Variants in EVI5 observed in about 807,000 individuals in gnomAD.
EVI5 encodes the protein ecotropic viral integration site 5.
In EVI5, 73 loss-of-function variants were observed where a neutral mutation model predicts 112.0. The observed-to-expected ratio is 0.65, with a 90% CI of 0.54 to 0.79. EVI5 has a LOEUF of 0.79. Ranked by LOEUF, EVI5 falls within the 30% of genes least tolerant of loss-of-function variation. EVI5 has a pLI of 0.00. For missense variants in EVI5, 900 were observed against 968.8 expected, an observed-to-expected ratio of 0.93 and a Z score of 0.94; for synonymous variants, 305 against 319.9, an observed-to-expected ratio of 0.95 and a Z score of 0.50.
At chr1:92,544,785 TC>T (rs1469846285) in intron 19 of EVI5, among the ~76,000 whole-genome samples, 1 of 152,208 alleles carries the variant, frequency 6.6e-6, no homozygotes, top group Non-Finnish European at 1.5e-5. Context: ...AAAGTTAGTA[TC>T]CCTCTCTTCC....
intron 1 of EVI5, chr1:92,773,918 C>T (rs1447783585): frequency 2.6e-5 from 4 of 151,854 alleles, no homozygotes; most frequent in African/African-American, 9.7e-5. Context: ...GTAATCCCAG[C>T]TACTCAGGAG....
intron 18 of EVI5, among the ~76,000 whole-genome samples, chr1:92,592,004 G>C (rs1422788320): frequency 1.3e-5 from 2 of 152,224 alleles, no homozygotes; most frequent in African/African-American, 4.8e-5. Flanking sequence ...AGCACTTTGG[G>C]AGGCCAAGGC....
At chr1:92,623,217 T>A (rs1340312239) in intron 16 of EVI5, among the ~76,000 whole-genome samples, 1 of 152,144 alleles carries the variant, frequency 6.6e-6, no homozygotes, top group Non-Finnish European at 1.5e-5. Context: ...TAAAATAACG[T>A]GTGGAAAGTA....
intron 19 of EVI5, among the ~76,000 whole-genome samples, chr1:92,514,216 C>T (rs1361320255): frequency 1.3e-4 from 20 of 152,142 alleles, no homozygotes; most frequent in African/African-American, 4.3e-4. Context: ...TGCAGTGGTG[C>T]GATCTCGGCT....
intron 18 of EVI5, among the ~76,000 whole-genome samples, chr1:92,582,480 G>A (rs1304818745): frequency 1.3e-5 from 2 of 152,126 alleles, no homozygotes; most frequent in East Asian, 3.8e-4. Context: ...ATCAGTCATG[G>A]GAAGATTAGG....
chr1:92,555,872 T>C (rs1224563458), intron 19 of EVI5, among the ~76,000 whole-genome samples: 3 of 138,028 alleles, frequency 2.2e-5, no homozygotes, highest in African/African-American at 8.1e-5. Context: ...AAAAAAGGAA[T>C]AAGCATGAAG....
At chr1:92,632,413 G>A (rs1459692213) in intron 14 of EVI5, among the ~76,000 whole-genome samples, 4 of 152,130 alleles carry the variant, frequency 2.6e-5, no homozygotes, top group South Asian at 4.1e-4. Flanking sequence ...GTCTTGGGAA[G>A]GTGTATGTGT....
intron 18 of EVI5, among the ~76,000 whole-genome samples, chr1:92,598,437 T>C (rs1571807085): frequency 6.6e-6 from 1 of 152,122 alleles, no homozygotes; most frequent in East Asian, 1.9e-4. Context: ...GTAATTGTTA[T>C]GAAGAAAAAA....
intron 19 of EVI5, among the ~76,000 whole-genome samples, chr1:92,517,880 A>G (rs894646128): frequency 3.7e-5 from 5 of 134,076 alleles, no homozygotes; most frequent in Non-Finnish European, 7.9e-5. Flanking sequence ...ATACAATATT[A>G]TATGCTTTTT....
intron 1 of EVI5, among the ~76,000 whole-genome samples, chr1:92,745,265 T>C (rs1022536172): frequency 5.3e-5 from 8 of 152,058 alleles, no homozygotes; most frequent in African/African-American, 7.2e-5. Flanking sequence ...GCAAAACAAA[T>C]TCTGAGAAAT....
At chr1:92,555,799 G>A (rs1478050014) in intron 19 of EVI5, among the ~76,000 whole-genome samples, 25 of 144,568 alleles carry the variant, frequency 1.7e-4, no homozygotes, top group Admixed American at 7.2e-4. Context: ...GCAGTGAGCC[G>A]AGACTGTGCC....
At chr1:92,691,921 G>T (rs1269631410) in intron 9 of EVI5, among the ~76,000 whole-genome samples, 1 of 152,132 alleles carries the variant, frequency 6.6e-6, no homozygotes, top group African/African-American at 2.4e-5. Flanking sequence ...GGGAAGAATG[G>T]TAAGGTTTGA....
intron 2 of EVI5, among the ~76,000 whole-genome samples, chr1:92,725,741 G>T (rs1675472891): frequency 1.4e-5 from 2 of 143,202 alleles, no homozygotes; most frequent in Non-Finnish European, 3.1e-5. Flanking sequence ...AAAAAATCGG[G>T]CATGCAAAGC....
chr1:92,653,362 C>A (rs1662468714), intron 13 of EVI5, among the ~76,000 whole-genome samples: 1 of 152,208 alleles, frequency 6.6e-6, no homozygotes, highest in Non-Finnish European at 1.5e-5. Flanking sequence ...CAAAGGAAAC[C>A]AGAACACATA....
intron 13 of EVI5, among the ~76,000 whole-genome samples, chr1:92,651,429 T>C (rs977703237): frequency 3.3e-5 from 5 of 152,236 alleles, no homozygotes; most frequent in South Asian, 2.1e-4. Flanking sequence ...TTTGATATAG[T>C]CTTTGCATTG....
At chr1:92,553,348 G>A (rs1484552737) in intron 19 of EVI5, among the ~76,000 whole-genome samples, 1 of 146,260 alleles carries the variant, frequency 6.8e-6, no homozygotes, top group Non-Finnish European at 1.5e-5. Context: ...TGCCACCCAG[G>A]CTGGAGTGCA....
intron 9 of EVI5, among the ~76,000 whole-genome samples, chr1:92,678,883 TG>T (rs1469374162): frequency 3.3e-5 from 5 of 152,214 alleles, no homozygotes; most frequent in Non-Finnish European, 7.3e-5. Flanking sequence ...ATACCCACTC[TG>T]GGGTTTAGAA....
At chr1:92,612,473 C>A (rs1408243204) in intron 16 of EVI5, among the ~76,000 whole-genome samples, 6 of 151,990 alleles carry the variant, frequency 3.9e-5, no homozygotes, top group Non-Finnish European at 7.4e-5. Context: ...CTTTGGGAGG[C>A]CGAGGCGGGA....
At chr1:92,760,732 CAAA>C (rs77787837) in intron 1 of EVI5, among the ~76,000 whole-genome samples, 2 of 50,734 alleles carry the variant, frequency 3.9e-5, no homozygotes, top group Non-Finnish European at 4.0e-5. Flanking sequence ...GACTCTGTCT[CAAA>C]AAAAAAAAAA....
Sources: gnomAD v4.1 joint callset for allele counts (sites outside exome capture counted in the v4.1 genomes callset) on GRCh38, gnomAD v4.1.1 for gene constraint, MANE v1.5 for transcripts, NCBI Gene and HGNC (gene_info 2026-07-23, HGNC 2026-07-21) for gene names.